Variants in ABL2 observed in about 807,000 individuals in gnomAD.
ABL2 encodes tyrosine-protein kinase ABL2.
Under a neutral mutation model 107.7 loss-of-function variants are expected in ABL2, and 49 were observed. The ratio of observed to expected loss-of-function variants is 0.45; its 90% confidence interval spans 0.36 to 0.58. ABL2 has a LOEUF of 0.58. ABL2 is among the 20% of genes least tolerant of loss of function. The probability of loss-of-function intolerance (pLI) is 0.00; values close to 1 mark genes in which losing one functional copy is unlikely to be tolerated. For missense variants in ABL2, 1,245 were observed against 1,457.0 expected, an observed-to-expected ratio of 0.85 and a Z score of 2.37; for synonymous variants, 549 against 548.6, an observed-to-expected ratio of 1.00 and a Z score of -0.01.
chr1:179,225,629 T>G (rs530352351), intron 1 of ABL2, among the ~76,000 whole-genome samples: 1 of 152,242 alleles, frequency 6.6e-6, no homozygotes, highest in East Asian at 1.9e-4. Context: ...AAAAAGAAGG[T>G]GCTACTGGCA....
intron 1 of ABL2, chr1:179,184,286 T>C: frequency 1.8e-6 from 1 of 544,572 alleles, no homozygotes; most frequent in Non-Finnish European, 3.4e-6. Flanking sequence ...AAAATAAAGT[T>C]ATCTTCAACG....
intron 1 of ABL2, among the ~76,000 whole-genome samples, chr1:179,159,208 A>G (rs958727897): frequency 3.3e-5 from 5 of 152,246 alleles, no homozygotes; most frequent in African/African-American, 1.2e-4. Flanking sequence ...AATAAAATAC[A>G]TGCTGTAAGT....
intron 1 of ABL2, among the ~76,000 whole-genome samples, chr1:179,147,784 C>G (rs1295256944): frequency 1.3e-5 from 2 of 152,184 alleles, no homozygotes; most frequent in African/African-American, 4.8e-5. Flanking sequence ...GAAGCCCAGA[C>G]TTCACCACTA....
At chr1:179,222,611 G>A (rs1034373185) in intron 1 of ABL2, among the ~76,000 whole-genome samples, 2 of 151,818 alleles carry the variant, frequency 1.3e-5, no homozygotes, top group Admixed American at 6.6e-5. Flanking sequence ...GGATGGTCTC[G>A]ATCTCCTGAT....
chr1:179,178,103 T>TA (rs764819814), intron 1 of ABL2, among the ~76,000 whole-genome samples: 1 of 152,130 alleles, frequency 6.6e-6, no homozygotes, highest in African/African-American at 2.4e-5. Flanking sequence ...ACAACTATAT[T>TA]AAAGCTTGTA....
At chr1:179,112,095 G>T (rs140314371) in intron 10 of ABL2, among the ~76,000 whole-genome samples, 156 of 151,796 alleles carry the variant, frequency 1.0e-3, no homozygotes, top group African/African-American at 3.6e-3. Context: ...TCAGCTATAT[G>T]GTTGTAATAA....
intron 1 of ABL2, among the ~76,000 whole-genome samples, chr1:179,214,923 G>T (rs2124837649): frequency 6.6e-6 from 1 of 152,220 alleles, no homozygotes; most frequent in South Asian, 2.1e-4. Context: ...ACTTGGAGAG[G>T]CCAAGGCAGA....
intron 1 of ABL2, among the ~76,000 whole-genome samples, chr1:179,198,926 C>G (rs1344126866): frequency 1.3e-5 from 2 of 150,456 alleles, no homozygotes; most frequent in Non-Finnish European, 1.5e-5. Context: ...ACTGCAACCT[C>G]TGCCTCCCAG....
At chr1:179,200,788 A>T (rs1223860427) in intron 1 of ABL2, among the ~76,000 whole-genome samples, 1 of 152,242 alleles carries the variant, frequency 6.6e-6, no homozygotes, top group African/African-American at 2.4e-5. Flanking sequence ...CAGCAAAGGG[A>T]TATAAAGCAA....
At chr1:179,137,831 T>C (rs1391469483) in intron 1 of ABL2, 1 of 152,176 alleles carries the variant, frequency 6.6e-6, no homozygotes, top group Non-Finnish European at 1.5e-5. Flanking sequence ...ACAGTGGACA[T>C]AAGGGGCGCC....
chr1:179,183,493 A>G (rs1004480467), intron 1 of ABL2, among the ~76,000 whole-genome samples: 2 of 152,208 alleles, frequency 1.3e-5, no homozygotes, highest in Non-Finnish European at 2.9e-5. Flanking sequence ...GCATCTTTCT[A>G]TGTATGCAGA....
Position 179,109,045 on chromosome 1 carries a change from G to GCAGTGC in ABL2, c.2216_2221dup (p.Gly739_Thr740dup). ...TGTGATGCCAGACCACCCACCCCCAGCAGTGCCACTGCCCCCACCCCCACC... is the reference window on the plus strand; with the variant it reads ...TGTGATGCCAGACCACCCACCCCCAGCAGTGCCAGTGCCACTGCCCCCACCCCCACC... On this transcript the variant is annotated inframe_insertion, in exon 12 of 12. Transcript: ENST00000502732. 1.5e-6 allele frequency: 1 copy of GCAGTGC among 676,618 alleles called. No homozygotes were observed. Among genetic ancestry groups the GCAGTGC allele is most frequent in the Middle Eastern group, 4.3e-4 (1 of 2,332 alleles). The allele number at this position is 676,618 out of a possible 1,614,324, so 41.9% of individuals were successfully genotyped here. A position where few individuals can be genotyped will look rare whatever the true frequency, so the allele number is the denominator to read the frequency against.
intron 1 of ABL2, among the ~76,000 whole-genome samples, chr1:179,209,955 ACC>A (rs1192816001): frequency 6.6e-6 from 1 of 152,116 alleles, no homozygotes; most frequent in East Asian, 1.9e-4. Flanking sequence ...CCTCACTGTA[ACC>A]TCACACTCTT....
intron 1 of ABL2, among the ~76,000 whole-genome samples, chr1:179,170,716 T>C (rs1659669347): frequency 6.6e-6 from 1 of 152,238 alleles, no homozygotes; most frequent in Non-Finnish European, 1.5e-5. Context: ...TGCTTCAGCC[T>C]CCCGAGTAGC....
rs1367372676 is a variant in ABL2 at position 179,106,564 on chromosome 1, AGAG to A, written c.*1151_*1153del. ...GGGGTGATTCACTTCAAATCCATAG[AGAG>A]GAGAATGCCTCTCCCTATTCTCTAC... On this transcript the variant is annotated 3_prime_UTR_variant, in exon 12 of 12. Transcript: ENST00000502732. 1.3e-5 allele frequency: 3 copies of A among 232,966 alleles called. No individual in the cohort carries two copies. The highest frequency in any genetic ancestry group is 6.0e-5 in the East Asian group (1 of 16,554). The allele number at this position is 232,966 out of a possible 1,614,324, so 14.4% of individuals were successfully genotyped here.
chr1:179,137,518 T>C (rs569878108), intron 1 of ABL2, among the ~76,000 whole-genome samples: 158 of 152,252 alleles, frequency 1.0e-3, no homozygotes, highest in African/African-American at 3.6e-3. Context: ...ATTTAATTAT[T>C]CGTAGTACAG....
At chr1:179,123,436 T>G (rs1572642798) in intron 4 of ABL2, among the ~76,000 whole-genome samples, 1 of 151,756 alleles carries the variant, frequency 6.6e-6, no homozygotes, top group South Asian at 2.1e-4. Context: ...ACCTGGGAGG[T>G]GGAGGTTGCA....
At chr1:179,179,025 T>C (rs1247123721) in intron 1 of ABL2, among the ~76,000 whole-genome samples, 1 of 152,124 alleles carries the variant, frequency 6.6e-6, no homozygotes, top group Non-Finnish European at 1.5e-5. Context: ...CATCAGAGTA[T>C]AAAAGAAAAG....
intron 1 of ABL2, chr1:179,142,971 C>T (rs777882369): frequency 6.2e-6 from 10 of 1,614,186 alleles, no homozygotes; most frequent in Non-Finnish European, 8.5e-7. Context: ...GGCCTCAGTG[C>T]ACAGGCAGCA....
Sources: gnomAD v4.1 joint callset for allele counts (sites outside exome capture counted in the v4.1 genomes callset) on GRCh38, gnomAD v4.1.1 for gene constraint, MANE v1.5 for transcripts, NCBI Gene and HGNC (gene_info 2026-07-23, HGNC 2026-07-21) for gene names.